Variants in ACSL3 observed in about 807,000 individuals in gnomAD.
ACSL3 encodes the protein acyl-CoA synthetase long chain family member 3, also known as fatty acid CoA ligase Acsl3.
ACSL3 carries 34 observed loss-of-function variants against 84.7 expected under a neutral mutation model. That is an observed-to-expected ratio of 0.40 (90% confidence interval 0.31 to 0.53). The LOEUF is 0.53. Among genes scored for constraint, ACSL3 ranks in the 20% least tolerant of loss-of-function variants. ACSL3 has a pLI of 0.48. For missense variants in ACSL3, 680 were observed against 873.1 expected (o/e 0.78, Z 2.79); for synonymous variants, 315 against 299.4 (o/e 1.05, Z -0.54).
At position 222,927,457 on chromosome 2, in the gene ACSL3, C is replaced by A. The variant is rs987123222; in HGVS notation, c.1465+268C>A. Among the ~76,000 whole-genome samples the A allele has an allele frequency of 6.0e-4, 91 of 152,190 alleles. 2 individuals are homozygous for A. The highest frequency in any genetic ancestry group is 5.3e-3 in the Admixed American group (81 of 15,276). ...CATTTTGGAAGAGAAACTTTAGTAA[C>A]AAACACTGACTGTTTTGTGTACATT... On this transcript the variant is annotated intron_variant, in intron 12 of 16. Transcript: ENST00000357430.
chr2:222,883,234 A>G (rs577790181), intron 1 of ACSL3, among the ~76,000 whole-genome samples: 1 of 144,238 alleles, frequency 6.9e-6, no homozygotes, highest in East Asian at 2.1e-4. Context: ...AGGCTGGAGT[A>G]TAGTGGCAGG....
intron 3 of ACSL3, among the ~76,000 whole-genome samples, chr2:222,906,311 C>G (rs1696293777): frequency 6.6e-6 from 1 of 152,224 alleles, no homozygotes; most frequent in Admixed American, 6.5e-5. Context: ...GCAGGGCTTT[C>G]TTTAACTCTC....
rs145688312 is a variant in ACSL3, at chr2:222,888,651, T to C, written c.-148+763T>C. 5.3e-5 allele frequency among the ~76,000 whole-genome samples: 8 copies of C among 152,328 alleles called. 1 individual carries two copies. Among genetic ancestry groups the C allele is most frequent in the African/African-American group, 1.7e-4 (7 of 41,574 alleles). Reference sequence around the variant, plus strand: ...TTAAAAGGAAATCACACAAGTAATATGTTTATTATTAAAAACTGTAAGCAA... The same window carrying C: ...TTAAAAGGAAATCACACAAGTAATACGTTTATTATTAAAAACTGTAAGCAA... On this transcript the variant is annotated intron_variant, in intron 2 of 16. Coordinates refer to ENST00000357430, the MANE Select transcript of ACSL3 (RefSeq NM_004457.5).
intron 13 of ACSL3, among the ~76,000 whole-genome samples, chr2:222,929,678 T>C (rs1183252658): frequency 2.0e-5 from 3 of 151,858 alleles, no homozygotes; most frequent in African/African-American, 7.3e-5. Context: ...CTCGGGAGGC[T>C]GAGGCAGGAG....
chr2:222,882,761 GTTTTTT>G (rs71408540), intron 1 of ACSL3, among the ~76,000 whole-genome samples: 1 of 119,982 alleles, frequency 8.3e-6, no homozygotes, highest in Admixed American at 9.2e-5. Flanking sequence ...CCAGATCACT[GTTTTTT>G]TTTTTTTTTT....
intron 1 of ACSL3, among the ~76,000 whole-genome samples, chr2:222,877,385 C>T (rs1194434390): frequency 6.6e-6 from 1 of 152,126 alleles, no homozygotes; most frequent in African/African-American, 2.4e-5. Context: ...ATGGAAAGTT[C>T]CATGAGGGCA....
At position 222,921,312 on chromosome 2, in the gene ACSL3, G is replaced by A. The variant is rs1176536826; in HGVS notation, c.838G>A (p.Asp280Asn). 2 of 1,598,984 alleles carry A rather than the reference G, an allele frequency of 1.3e-6. No individual in the cohort carries two copies. The highest frequency in any genetic ancestry group is 2.3e-5 in the East Asian group (1 of 44,388). ...NQPHSKPLPS[D>N]IAVIMYTSGS... The stretch of plus-strand genomic sequence containing the variant: ...ACCTCATAGCAAACCATTGCCCTCA[G>A]ATATTGCAGTAATCATGTACACAAG... The change falls in exon 8 of 17, where the codon GAT becomes AAT. Residue 280 changes from aspartate (D) to asparagine (N), a missense_variant. Asp to Asn is a conservative substitution (Grantham distance 23). Transcript: ENST00000357430.
At chr2:222,922,605 C>T (rs1696770389) in intron 8 of ACSL3, 103 bp from the exon 9 acceptor site, 1 of 1,423,214 alleles carries the variant, frequency 7.0e-7, no homozygotes, top group East Asian at 2.3e-5. Context: ...CAAATTGATG[C>T]CCTGGGGCCC....
At chr2:222,941,439 A>G (rs938053871) in intron 16 of ACSL3, 58 bp from the exon 17 acceptor site, 10 of 1,456,500 alleles carry the variant, frequency 6.9e-6, no homozygotes, top group Middle Eastern at 1.8e-4. Flanking sequence ...GGGAAGTTAC[A>G]CCATTTGCTA....
rs1696828590 is a variant in ACSL3 at position 222,924,695 on chromosome 2, A to G, written c.1292+100A>G. 7.0e-6 allele frequency: 9 copies of G among 1,277,304 alleles called. No homozygotes were observed. In the South Asian group the frequency reaches 1.2e-4, roughly 17 times the overall value. 79.1% of individuals were successfully genotyped at this position (1,277,304 alleles called of 1,614,324 possible). ...TAATTGAGATAGTTATAAGAAAGAA[A>G]TATATTTCATAAAGTCAAGAGAACT... On this transcript the variant is annotated intron_variant, in intron 11 of 16. Transcript: ENST00000357430.
At chr2:222,882,172 T>C (rs1328077866) in intron 1 of ACSL3, among the ~76,000 whole-genome samples, 1 of 152,264 alleles carries the variant, frequency 6.6e-6, no homozygotes, top group African/African-American at 2.4e-5. Flanking sequence ...TGAGGACTTT[T>C]TAAAGTAATT....
intron 2 of ACSL3, among the ~76,000 whole-genome samples, chr2:222,900,389 A>G (rs1156395690): frequency 2.6e-5 from 4 of 151,828 alleles, no homozygotes; most frequent in African/African-American, 7.3e-5. Flanking sequence ...TAGATTTCCT[A>G]TGTGTTCTGT....
chr2:222,918,749 A>G (rs1696651418), intron 6 of ACSL3, among the ~76,000 whole-genome samples: 1 of 150,976 alleles, frequency 6.6e-6, no homozygotes, highest in Admixed American at 6.6e-5. Flanking sequence ...TGAAAATATG[A>G]GGGGCTTCTG....
Position 222,941,789 on chromosome 2 carries a change from T to A in ACSL3, c.*135T>A. 1.1e-6 allele frequency: 1 copy of A among 949,248 alleles called. No individual in the cohort carries two copies. Among genetic ancestry groups the A allele is most frequent in the Non-Finnish European group, 1.5e-6 (1 of 678,402 alleles). 58.8% of individuals were successfully genotyped at this position (949,248 alleles called of 1,614,324 possible). ...TTACTTCTCATGACGTCACCATTTT[T>A]AACTGACAGGATTAGTAAAACATTA... On this transcript the variant is annotated 3_prime_UTR_variant, in exon 17 of 17. Coordinates refer to ENST00000357430, the MANE Select transcript of ACSL3 (RefSeq NM_004457.5).
intron 3 of ACSL3, among the ~76,000 whole-genome samples, chr2:222,906,950 TTTTC>T (rs1559290846): frequency 6.6e-5 from 10 of 152,212 alleles, no homozygotes; most frequent in Admixed American, 2.0e-4. Flanking sequence ...AGGCATGAAC[TTTTC>T]CATTCTTTGT....
chr2:222,900,983 A>G (rs1170788135), intron 3 of ACSL3, among the ~76,000 whole-genome samples: 1 of 152,168 alleles, frequency 6.6e-6, no homozygotes, highest in Non-Finnish European at 1.5e-5. Flanking sequence ...TGTTGCTTGA[A>G]CAAAAGACAA....
At chr2:222,898,138 C>G (rs1348439812) in intron 2 of ACSL3, among the ~76,000 whole-genome samples, 1 of 152,036 alleles carries the variant, frequency 6.6e-6, no homozygotes, top group Non-Finnish European at 1.5e-5. Flanking sequence ...TTTTGGCTTC[C>G]CTGTTCATAC....
intron 1 of ACSL3, among the ~76,000 whole-genome samples, chr2:222,865,411 AT>A (rs1428816623): frequency 6.6e-6 from 1 of 152,154 alleles, no homozygotes; most frequent in African/African-American, 2.4e-5. Context: ...TTGTGAAGGT[AT>A]TTGTTATTAA....
In ACSL3 at chr2:222,864,556, T is replaced by A. The variant is rs566726536; in HGVS notation, c.-207+3298T>A. ...CCTATGAGAGAAGAATTGAGAACCATCATTGAATTTAGCAACATGGAGGTC... is the reference window on the plus strand; with the variant it reads ...CCTATGAGAGAAGAATTGAGAACCAACATTGAATTTAGCAACATGGAGGTC... On this transcript the variant is annotated intron_variant, in intron 1 of 16. Transcript: ENST00000357430. Among the ~76,000 whole-genome samples, 3 of 152,142 alleles carry A rather than the reference T, an allele frequency of 2.0e-5. No individual in the cohort carries two copies. The East Asian group carries it at 5.8e-4, about 29-fold the overall frequency.
Sources: gnomAD v4.1 joint callset for allele counts (sites outside exome capture counted in the v4.1 genomes callset) on GRCh38, gnomAD v4.1.1 for gene constraint, MANE v1.5 for transcripts, NCBI Gene and HGNC (gene_info 2026-07-23, HGNC 2026-07-21) for gene names.